GRIP1: variants seen among roughly 807,000 people sequenced by gnomAD.
The protein encoded by GRIP1 is glutamate receptor interacting protein 1.
GRIP1 carries 45 observed loss-of-function variants against 129.9 expected under a neutral mutation model. That is an observed-to-expected ratio of 0.35 (90% CI 0.27 to 0.44). The LOEUF (loss-of-function observed/expected upper bound fraction) is 0.44, where lower values mean the gene tolerates loss of function less well. GRIP1 is among the 20% of genes least tolerant of loss of function. The pLI, the probability that GRIP1 is intolerant of heterozygous loss-of-function variation, is 1.00. For synonymous variants in GRIP1, 530 were observed against 520.8 expected (o/e 1.02, Z -0.24); for missense variants, 1,196 against 1,396.8 (o/e 0.86, Z 2.29).
At chr12:66,598,426 A>G (rs1277224156) in intron 1 of GRIP1, among the ~76,000 whole-genome samples, 1 of 152,220 alleles carries the variant, frequency 6.6e-6, no homozygotes, top group Non-Finnish European at 1.5e-5. Flanking sequence ...TCAGATACCA[A>G]TTCAATCAAT....
chr12:67,011,605 T>G (rs2042708451), intron 1 of GRIP1, among the ~76,000 whole-genome samples: 1 of 151,356 alleles, frequency 6.6e-6, no homozygotes, highest in Non-Finnish European at 1.5e-5. Context: ...CACATCCATA[T>G]CCTCTATTTT....
At chr12:66,358,725 A>G (rs1168351) in intron 23 of GRIP1, among the ~76,000 whole-genome samples, 76,726 of 152,054 alleles carry the variant, frequency 0.5, 19,908 homozygotes, top group East Asian at 0.58. Flanking sequence ...TAAATTGCTG[A>G]GATTACAGGC....
intron 1 of GRIP1, among the ~76,000 whole-genome samples, chr12:66,810,671 C>T (rs1455303334): frequency 2.6e-5 from 4 of 152,142 alleles, no homozygotes; most frequent in Non-Finnish European, 5.9e-5. Context: ...GCACTTTCAG[C>T]CACCATCCAC....
At chr12:66,664,929 A>T (rs928868458) in intron 1 of GRIP1, among the ~76,000 whole-genome samples, 6 of 151,628 alleles carry the variant, frequency 4.0e-5, no homozygotes, top group African/African-American at 4.8e-5. Flanking sequence ...CTCAATAGGA[A>T]TTTTTTTTTC....
At chr12:66,803,730 C>T (rs2038921371) in intron 1 of GRIP1, among the ~76,000 whole-genome samples, 1 of 152,196 alleles carries the variant, frequency 6.6e-6, no homozygotes, top group South Asian at 2.1e-4. Flanking sequence ...AAAAGGAAAG[C>T]AACAACTACA....
intron 9 of GRIP1, among the ~76,000 whole-genome samples, chr12:66,456,658 A>AT (rs5798825): frequency 0.4 from 60,381 of 151,618 alleles, 13,079 homozygotes; most frequent in African/African-American, 0.55. Flanking sequence ...GATTAAGAAC[A>AT]TTTTTTTTAA....
intron 1 of GRIP1, among the ~76,000 whole-genome samples, chr12:66,669,524 G>T (rs558431312): frequency 6.6e-6 from 1 of 152,206 alleles, no homozygotes; most frequent in African/African-American, 2.4e-5. Context: ...AATTTTCAAG[G>T]AATTCATAGT....
At chr12:66,974,451 C>A (rs1422895669) in intron 1 of GRIP1, among the ~76,000 whole-genome samples, 1 of 152,154 alleles carries the variant, frequency 6.6e-6, no homozygotes, top group Non-Finnish European at 1.5e-5. Context: ...GGAATTTCAA[C>A]ATCTAGAACA....
In GRIP1 at chr12:67,041,706, C is replaced by CT. The variant is rs551111090; in HGVS notation, c.58+27343dup. 1.4e-3 allele frequency among the ~76,000 whole-genome samples: 206 copies of CT among 150,416 alleles called. 6 individuals carry two copies. In the East Asian group the frequency reaches 0.032, roughly 24 times the overall value. On this transcript the variant is annotated intron_variant, in intron 1 of 1. Transcript: ENST00000643019. Reference sequence around the variant, plus strand: ...TAAGTATTGTAAATAAATTTGACAACTTTTTTTTGGAGGGGGGCGGAGCTC... The same window carrying CT: ...TAAGTATTGTAAATAAATTTGACAACTTTTTTTTTGGAGGGGGGCGGAGCTC...
intron 1 of GRIP1, among the ~76,000 whole-genome samples, chr12:66,948,890 A>T (rs574386892): frequency 6.6e-6 from 1 of 152,342 alleles, no homozygotes; most frequent in South Asian, 2.1e-4. Context: ...AACAAATTGT[A>T]GAGTTTTATT....
At chr12:66,806,934 A>G (rs1477946162), upstream of GRIP1, among the ~76,000 whole-genome samples, 1 of 152,114 alleles carries the variant, frequency 6.6e-6, no homozygotes, top group Non-Finnish European at 1.5e-5. Context: ...ATTTGAAGGC[A>G]TACAGCAGAA....
At chr12:67,004,063 A>C (rs1389541962) in intron 1 of GRIP1, among the ~76,000 whole-genome samples, 2 of 152,182 alleles carry the variant, frequency 1.3e-5, no homozygotes, top group Non-Finnish European at 2.9e-5. Context: ...TCATAAGGAC[A>C]TTTGTGATGG....
intron 1 of GRIP1, among the ~76,000 whole-genome samples, chr12:67,013,552 G>A (rs1782416512): frequency 6.6e-6 from 1 of 152,142 alleles, no homozygotes; most frequent in Non-Finnish European, 1.5e-5. Flanking sequence ...CCAAATAGAT[G>A]TGACAAATCC....
chr12:67,050,364 T>A (rs1306448188), intron 1 of GRIP1, among the ~76,000 whole-genome samples: 3 of 151,310 alleles, frequency 2.0e-5, no homozygotes, highest in Non-Finnish European at 4.4e-5. Context: ...ATTAGATTGA[T>A]ATAGGACCAG....
chr12:66,381,030 T>C (rs528692499), intron 19 of GRIP1, among the ~76,000 whole-genome samples: 1 of 152,284 alleles, frequency 6.6e-6, no homozygotes, highest in South Asian at 2.1e-4. Flanking sequence ...TCTCCACCTG[T>C]TGTCGAAGCC....
At chr12:66,364,290 AGAAAG>A (rs796951169) in intron 23 of GRIP1, among the ~76,000 whole-genome samples, 26 of 112,392 alleles carry the variant, frequency 2.3e-4, no homozygotes, top group African/African-American at 8.9e-4. Flanking sequence ...AAAAAAAAAA[AGAAAG>A]AAAGAAAGAA....
intron 16 of GRIP1, among the ~76,000 whole-genome samples, chr12:66,404,162 AAAT>A (rs1306018456): frequency 1.3e-5 from 2 of 152,242 alleles, no homozygotes; most frequent in Non-Finnish European, 2.9e-5. Flanking sequence ...GTTGCTTAAG[AAAT>A]AATGAGTGCA....
Position 66,348,998 on chromosome 12 carries a change from C to T in GRIP1, c.*21G>A. On this transcript the variant is annotated 3_prime_UTR_variant, in exon 25 of 25. Transcript: ENST00000359742. ...GCACCATGTAGATATTGTCTTTTGTCCTGCTTTATAAAAAGCGTTGCTATA... is the reference window on the plus strand; with the variant it reads ...GCACCATGTAGATATTGTCTTTTGTTCTGCTTTATAAAAAGCGTTGCTATA... 2 of 1,496,906 alleles carry T rather than the reference C, an allele frequency of 1.3e-6. No individual in the cohort carries two copies. The highest frequency in any genetic ancestry group is 1.7e-4 in the Middle Eastern group (1 of 5,822). The allele number at this position is 1,496,906 out of a possible 1,614,324, so 92.7% of individuals were successfully genotyped here.
intron 23 of GRIP1, among the ~76,000 whole-genome samples, chr12:66,364,494 G>A (rs1204783656): frequency 6.6e-6 from 1 of 151,902 alleles, no homozygotes; most frequent in African/African-American, 2.4e-5. Flanking sequence ...TTCCTGGCGG[G>A]CCCTGAGATC....
Sources: gnomAD v4.1 joint callset for allele counts (sites outside exome capture counted in the v4.1 genomes callset) on GRCh38, gnomAD v4.1.1 for gene constraint, MANE v1.5 for transcripts, NCBI Gene and HGNC (gene_info 2026-07-23, HGNC 2026-07-21) for gene names.